Variants in BFSP2 observed in about 807,000 individuals in gnomAD.
BFSP2 encodes phakinin.
Under a neutral mutation model 44.9 loss-of-function variants are expected in BFSP2, and 38 were observed. The observed-to-expected ratio is 0.85, with a 90% confidence interval of 0.65 to 1.11. The LOEUF (loss-of-function observed/expected upper bound fraction) is 1.11, where lower values mean the gene tolerates loss of function less well. BFSP2 is among the 50% of genes least tolerant of loss of function. The pLI is 0.00. For synonymous variants in BFSP2, 197 were observed against 209.9 expected, an observed-to-expected ratio of 0.94 and a Z score of 0.53; for missense variants, 525 against 533.0, an observed-to-expected ratio of 0.99 and a Z score of 0.15.
At chr3:133,460,718 G>A (rs1474361730) in intron 4 of BFSP2, among the ~76,000 whole-genome samples, 1 of 152,186 alleles carries the variant, frequency 6.6e-6, no homozygotes, top group African/African-American at 2.4e-5. Context: ...CACAAGATAG[G>A]GAACCCCTGT....
intron 1 of BFSP2, among the ~76,000 whole-genome samples, chr3:133,413,737 G>A (rs1002545763): frequency 5.3e-5 from 8 of 152,020 alleles, no homozygotes; most frequent in Admixed American, 3.3e-4. Context: ...CAGTCCTCAG[G>A]AGGGAGTGAA....
chr3:133,447,412 A>G lies in BFSP2; in HGVS notation c.572+13A>G, dbSNP rs776633634. ...ACTTTAAAGAGAGGTAATGTCTTAC[A>G]GCAGAGGCGACAGTCCCTCCACATC... is the stretch of plus-strand genomic sequence containing the variant. On this transcript the variant is annotated intron_variant, in intron 2 of 6. Coordinates refer to ENST00000302334, the MANE Select transcript of BFSP2 (RefSeq NM_003571.4). The G allele has an allele frequency of 3.1e-6, 5 of 1,612,424 alleles. No individual in the cohort carries two copies. Among genetic ancestry groups the G allele is most frequent in the Non-Finnish European group, 4.2e-6 (5 of 1,178,860 alleles).
Position 133,432,635 on chromosome 3 carries a change from T to C in BFSP2, c.490-14682T>C, listed in dbSNP as rs2073734688. 2.6e-5 allele frequency among the ~76,000 whole-genome samples: 4 copies of C among 152,182 alleles called. No individual in the cohort carries two copies. In the South Asian group the frequency reaches 8.3e-4, roughly 31 times the overall value. On this transcript the variant is annotated intron_variant, in intron 1 of 6. Transcript: ENST00000302334. Reference sequence around the variant, plus strand: ...TCTTCTCAACAAGACACACCTCTGCTCCTTCAGCATTTATTCTCCAAAGGA... The same window carrying C: ...TCTTCTCAACAAGACACACCTCTGCCCCTTCAGCATTTATTCTCCAAAGGA...
At chr3:133,443,997 C>T (rs1371498825) in intron 1 of BFSP2, among the ~76,000 whole-genome samples, 2 of 151,836 alleles carry the variant, frequency 1.3e-5, no homozygotes, top group Non-Finnish European at 2.9e-5. Context: ...GCAGTGAAAA[C>T]AGGAGTAGTA....
chr3:133,444,094 A>C (rs2073871109), intron 1 of BFSP2, among the ~76,000 whole-genome samples: 1 of 151,868 alleles, frequency 6.6e-6, no homozygotes, highest in Non-Finnish European at 1.5e-5. Flanking sequence ...CAAAGGAAAA[A>C]AATATATATG....
intron 4 of BFSP2, among the ~76,000 whole-genome samples, chr3:133,457,954 T>A (rs1017707344): frequency 3.9e-5 from 6 of 152,256 alleles, no homozygotes; most frequent in Non-Finnish European, 7.3e-5. Flanking sequence ...GTCACTAACA[T>A]GGTATACCTC....
At chr3:133,466,629 C>T (rs1479256877) in intron 4 of BFSP2, among the ~76,000 whole-genome samples, 199 bp from the exon 5 acceptor site, 4 of 139,038 alleles carry the variant, frequency 2.9e-5, no homozygotes, top group South Asian at 2.3e-4. Flanking sequence ...GAGCTGAGAT[C>T]GCACCACTGC....
intron 6 of BFSP2, 74 bp downstream of exon 6, chr3:133,472,639 CTG>C: frequency 1.3e-6 from 2 of 1,523,224 alleles, no homozygotes; most frequent in South Asian, 1.2e-5. Context: ...TTTCCAAACA[CTG>C]TAGAAGTATT....
At chr3:133,402,122 T>C (rs973482534) in intron 1 of BFSP2, among the ~76,000 whole-genome samples, 3 of 152,120 alleles carry the variant, frequency 2.0e-5, no homozygotes. Flanking sequence ...CACCAGAACA[T>C]CCCTAGATAC....
chr3:133,405,257 G>A (rs1236664865), intron 1 of BFSP2, among the ~76,000 whole-genome samples: 1 of 152,220 alleles, frequency 6.6e-6, no homozygotes, highest in African/African-American at 2.4e-5. Context: ...CTCCATGGGA[G>A]AAAACTGCAG....
intron 1 of BFSP2, among the ~76,000 whole-genome samples, chr3:133,430,887 C>T (rs1279153027): frequency 6.6e-6 from 1 of 152,128 alleles, no homozygotes; most frequent in East Asian, 1.9e-4. Flanking sequence ...TATCACCTCC[C>T]CTCCTCACAC....
intron 4 of BFSP2, 131 bp from the exon 5 acceptor site, chr3:133,466,697 A>AAAAAAAAAAAAAAAAAT: frequency 1.4e-6 from 1 of 726,478 alleles, no homozygotes; most frequent in Non-Finnish European, 2.2e-6. Flanking sequence ...AAAAAAAAAA[A>AAAAAAAAAAAAAAAAAT]GATGTTTCCA....
chr3:133,420,988 C>A (rs926406230), intron 1 of BFSP2, among the ~76,000 whole-genome samples: 2 of 151,984 alleles, frequency 1.3e-5, no homozygotes, highest in African/African-American at 2.4e-5. Context: ...CCTAAGAGTC[C>A]ATTTCCTTAT....
At chr3:133,426,725 C>A (rs1390119125) in intron 1 of BFSP2, among the ~76,000 whole-genome samples, 3 of 152,210 alleles carry the variant, frequency 2.0e-5, no homozygotes, top group Non-Finnish European at 4.4e-5. Context: ...CCTAGAAGCA[C>A]ATGGCAGAGA....
intron 1 of BFSP2, among the ~76,000 whole-genome samples, chr3:133,424,211 A>C: frequency 8.0e-5 from 1 of 12,536 alleles, no homozygotes; most frequent in Non-Finnish European, 1.7e-4. Context: ...GCGTCCAGCT[A>C]ATTTTTTTTT....
At chr3:133,437,254 G>A (rs925901268) in intron 1 of BFSP2, among the ~76,000 whole-genome samples, 2 of 152,210 alleles carry the variant, frequency 1.3e-5, no homozygotes, top group East Asian at 3.8e-4. Context: ...GCTGGGCACA[G>A]TGGTTCACAC....
Position 133,466,963 on chromosome 3 carries a change from A to T in BFSP2, c.1023+4A>T. ...GACAGAATCCTTACGTGCCCTGGTA[A>T]GTGGGCCAAGGAAAGACCTGGTGTC... is the stretch of plus-strand genomic sequence containing the variant. On this transcript the variant is annotated splice_donor_region_variant and intron_variant, in intron 5 of 6. Coordinates refer to ENST00000302334, the MANE Select transcript of BFSP2 (RefSeq NM_003571.4). 6.2e-7 allele frequency: 1 copy of T among 1,613,960 alleles called. No homozygotes were observed. Among genetic ancestry groups the T allele is most frequent in the Non-Finnish European group, 8.5e-7 (1 of 1,179,910 alleles).
At chr3:133,407,129 C>T (rs555205223) in intron 1 of BFSP2, among the ~76,000 whole-genome samples, 19 of 152,196 alleles carry the variant, frequency 1.2e-4, no homozygotes, top group African/African-American at 4.1e-4. Context: ...AACCTGTAGT[C>T]CCAGGTATTC....
intron 4 of BFSP2, among the ~76,000 whole-genome samples, chr3:133,462,388 C>A (rs1455305548): frequency 6.6e-6 from 1 of 152,190 alleles, no homozygotes; most frequent in Non-Finnish European, 1.5e-5. Context: ...CATGGTGTTT[C>A]AGCCAAGAAA....
Sources: gnomAD v4.1 joint callset for allele counts (sites outside exome capture counted in the v4.1 genomes callset) on GRCh38, gnomAD v4.1.1 for gene constraint, MANE v1.5 for transcripts, NCBI Gene and HGNC (gene_info 2026-07-23, HGNC 2026-07-21) for gene names.